The following ANTXR1 variants were observed in gnomAD, a reference collection of about 807,000 sequenced individuals.
ANTXR1 encodes the protein anthrax toxin receptor 1.
Under a neutral mutation model 78.1 loss-of-function variants are expected in ANTXR1, and 19 were observed. The ratio of observed to expected loss-of-function variants is 0.24; its 90% confidence interval spans 0.17 to 0.36. ANTXR1 has a LOEUF of 0.36. Among genes scored for constraint, ANTXR1 ranks in the 10% least tolerant of loss-of-function variants. The pLI is 1.00. For missense variants in ANTXR1, 518 were observed against 718.6 expected (o/e 0.72, Z 3.19); for synonymous variants, 273 against 260.5 (o/e 1.05, Z -0.46).
Position 69,177,706 on chromosome 2 carries a change from G to A in ANTXR1, c.1090-4080G>A, listed in dbSNP as rs140469376. Among the ~76,000 whole-genome samples the A allele has an allele frequency of 6.6e-3, 998 of 152,290 alleles. 15 individuals carry two copies. Among genetic ancestry groups the A allele is most frequent in the African/African-American group, 0.023 (964 of 41,556 alleles). On this transcript the variant is annotated intron_variant, in intron 14 of 17. Coordinates refer to ENST00000303714, the MANE Select transcript of ANTXR1 (RefSeq NM_032208.3). ...TTCTCGGTTTGCTAGACACGATCTA[G>A]CAGCTCTGGCACAAATCCAACTGCG...
chr2:69,141,310 C>G (rs576671884), intron 12 of ANTXR1, among the ~76,000 whole-genome samples: 8 of 152,224 alleles, frequency 5.3e-5, no homozygotes, highest in Non-Finnish European at 8.8e-5. Context: ...TGCCTTGTCT[C>G]ATGTCATCAC....
chr2:69,197,756 A>C (rs1421107789), intron 17 of ANTXR1, among the ~76,000 whole-genome samples: 4 of 152,230 alleles, frequency 2.6e-5, no homozygotes, highest in African/African-American at 7.2e-5. Context: ...CTTCCTGCAC[A>C]GCTTGGCCAC....
chr2:69,066,282 A>AT (rs890187523), intron 3 of ANTXR1, among the ~76,000 whole-genome samples: 17 of 150,560 alleles, frequency 1.1e-4, no homozygotes, highest in South Asian at 2.1e-4. Context: ...TCCATCTTTT[A>AT]TTTTTTTTTC....
intron 5 of ANTXR1, 78 bp from the exon 6 acceptor site, chr2:69,072,944 G>C (rs953081739): frequency 8.5e-6 from 12 of 1,407,962 alleles, no homozygotes; most frequent in Admixed American, 3.4e-5. Flanking sequence ...ACTCGTAAGA[G>C]GTTGAATCCT....
At chr2:69,198,778 G>C (rs571901508) in intron 17 of ANTXR1, among the ~76,000 whole-genome samples, 39 of 152,242 alleles carry the variant, frequency 2.6e-4, no homozygotes, top group African/African-American at 8.9e-4. Context: ...ATGGTAATGC[G>C]AATTGTCACC....
chr2:69,103,336 C>T (rs950060833), intron 10 of ANTXR1: 2 of 323,300 alleles, frequency 6.2e-6, no homozygotes, highest in African/African-American at 4.3e-5. Flanking sequence ...ACTGCAGAAA[C>T]ATGAGCCTCC....
chr2:69,127,568 T>C (rs4358156), intron 12 of ANTXR1, among the ~76,000 whole-genome samples: 95,601 of 151,936 alleles, frequency 0.63, 31,302 homozygotes, highest in East Asian at 0.91. Flanking sequence ...GAAGATTACT[T>C]GGCTGAAGGC....
intron 17 of ANTXR1, among the ~76,000 whole-genome samples, chr2:69,207,170 C>T (rs1227948692): frequency 6.6e-6 from 1 of 152,090 alleles, no homozygotes; most frequent in Non-Finnish European, 1.5e-5. Context: ...AAGACTAGGT[C>T]GATAGTAGAT....
chr2:69,101,450 A>C (rs1227236445), intron 9 of ANTXR1, among the ~76,000 whole-genome samples: 1 of 152,202 alleles, frequency 6.6e-6, no homozygotes. Flanking sequence ...TAACTTCACT[A>C]AGATCAGTTG....
intron 8 of ANTXR1, among the ~76,000 whole-genome samples, chr2:69,084,398 C>T (rs1010075173): frequency 4.0e-5 from 6 of 151,820 alleles, no homozygotes; most frequent in Non-Finnish European, 8.8e-5. Flanking sequence ...AGTGGGGTGC[C>T]CTCCCTCAGA....
chr2:69,131,296 A>C (rs1672737038), intron 12 of ANTXR1, among the ~76,000 whole-genome samples: 1 of 152,180 alleles, frequency 6.6e-6, no homozygotes, highest in Non-Finnish European at 1.5e-5. Flanking sequence ...TTTGTCTCCA[A>C]ATTCCTCTTT....
chr2:69,091,720 C>T (rs1045894747), intron 9 of ANTXR1, among the ~76,000 whole-genome samples: 1 of 152,184 alleles, frequency 6.6e-6, no homozygotes, highest in Non-Finnish European at 1.5e-5. Flanking sequence ...ATTGTTTAAT[C>T]TGCCAGTCCT....
At chr2:69,144,489 G>T (rs1054289204) in intron 12 of ANTXR1, among the ~76,000 whole-genome samples, 3 of 152,178 alleles carry the variant, frequency 2.0e-5, no homozygotes, top group African/African-American at 7.2e-5. Flanking sequence ...CTGTACCAGA[G>T]AAAGGGGGAG....
At chr2:69,056,399 A>G (rs553946708) in intron 3 of ANTXR1, among the ~76,000 whole-genome samples, 6 of 152,204 alleles carry the variant, frequency 3.9e-5, no homozygotes, top group South Asian at 2.1e-4. Flanking sequence ...CATGAACTCC[A>G]GGTTCAGTCT....
At chr2:69,029,811 C>T (rs1205167390) in intron 1 of ANTXR1, among the ~76,000 whole-genome samples, 1 of 151,854 alleles carries the variant, frequency 6.6e-6, no homozygotes, top group African/African-American at 2.4e-5. Context: ...AAGAAAAAGA[C>T]ATGGCATAAA....
chr2:69,136,658 AG>A (rs1417139816), intron 12 of ANTXR1, among the ~76,000 whole-genome samples: 3 of 152,222 alleles, frequency 2.0e-5, no homozygotes, highest in Non-Finnish European at 2.9e-5. Flanking sequence ...TGTCATCTTG[AG>A]GGTTTATGTT....
chr2:69,023,165 A>C (rs941228960), intron 1 of ANTXR1, among the ~76,000 whole-genome samples: 1 of 152,234 alleles, frequency 6.6e-6, no homozygotes, highest in Admixed American at 6.5e-5. Context: ...AGTATTGTTA[A>C]TAAAATAGGC....
chr2:69,064,743 A>G (rs1670344254), intron 3 of ANTXR1, among the ~76,000 whole-genome samples: 1 of 152,234 alleles, frequency 6.6e-6, no homozygotes, highest in South Asian at 2.1e-4. Flanking sequence ...TATTTACTAG[A>G]GATAAAAAGT....
intron 12 of ANTXR1, among the ~76,000 whole-genome samples, chr2:69,151,077 G>A (rs948979734): frequency 5.3e-5 from 8 of 151,594 alleles, no homozygotes; most frequent in East Asian, 1.9e-4. Flanking sequence ...CATAGTAACC[G>A]ATTGCGTAGT....
Sources: allele counts gnomAD v4.1 joint callset (sites outside exome capture counted in the v4.1 genomes callset), GRCh38; gene constraint gnomAD v4.1.1; transcripts MANE v1.5; gene names NCBI Gene and HGNC (gene_info 2026-07-23, HGNC 2026-07-21).